Variants in TPD52L1 observed in about 807,000 individuals in gnomAD.
TPD52L1 encodes TPD52 like 1, also known as tumor protein D53.
In TPD52L1, 18 loss-of-function variants were observed where a neutral mutation model predicts 28.7. That is an observed-to-expected ratio of 0.63 (90% CI 0.43 to 0.93). The LOEUF (loss-of-function observed/expected upper bound fraction) is 0.93, where lower values mean the gene tolerates loss of function less well. TPD52L1 is among the 40% of genes least tolerant of loss of function. The probability of loss-of-function intolerance (pLI) is 0.00; values close to 1 mark genes in which losing one functional copy is unlikely to be tolerated. For missense variants in TPD52L1, 203 were observed against 254.8 expected (o/e 0.80, Z 1.39); for synonymous variants, 75 against 88.8 (o/e 0.84, Z 0.88).
chr6:125,227,797 T>C (rs1795705461), intron 2 of TPD52L1, among the ~76,000 whole-genome samples: 1 of 152,212 alleles, frequency 6.6e-6, no homozygotes, highest in African/African-American at 2.4e-5. Flanking sequence ...CTTTCCAAAA[T>C]CTGAGTACTT....
At chr6:125,253,580 T>C in intron 4 of TPD52L1, 137 bp from the exon 5 acceptor site, 1 of 777,504 alleles carries the variant, frequency 1.3e-6, no homozygotes, top group Non-Finnish European at 2.1e-6. Flanking sequence ...ACAAATGTCA[T>C]CTTGGTTAGA....
intron 5 of TPD52L1, among the ~76,000 whole-genome samples, chr6:125,255,505 G>A (rs73772403): frequency 0.016 from 2,418 of 152,246 alleles, 57 homozygotes; most frequent in African/African-American, 0.055. Flanking sequence ...GCCATGTCAG[G>A]GCCCTCTGAA....
intron 4 of TPD52L1, chr6:125,253,305 G>T (rs944868030): frequency 5.1e-6 from 1 of 195,852 alleles, no homozygotes; most frequent in East Asian, 1.3e-4. Flanking sequence ...ACCATGGAAT[G>T]ATTAGCTTCT....
In TPD52L1 at chr6:125,257,901, A is replaced by T. The variant is rs77870212; in HGVS notation, c.486+743A>T. 5.8e-3 allele frequency among the ~76,000 whole-genome samples: 885 copies of T among 152,322 alleles called. 13 individuals carry two copies. The highest frequency in any genetic ancestry group is 0.02 in the African/African-American group (828 of 41,572). On this transcript the variant is annotated intron_variant, in intron 6 of 6. Coordinates refer to ENST00000534000, the MANE Select transcript of TPD52L1 (RefSeq NM_003287.4). ...AAAGGTATCACTTAATGACTTAATT[A>T]CATCTTGCTATCATTATCTCTATTT...
At chr6:125,240,314 T>TG (rs975726394) in intron 3 of TPD52L1, among the ~76,000 whole-genome samples, 1 of 152,150 alleles carries the variant, frequency 6.6e-6, no homozygotes, top group Non-Finnish European at 1.5e-5. Context: ...TGGGCTTTTT[T>TG]GGGGGTTCCA....
At chr6:125,249,338 C>T (rs926472417) in intron 4 of TPD52L1, among the ~76,000 whole-genome samples, 5 of 151,246 alleles carry the variant, frequency 3.3e-5, no homozygotes, top group African/African-American at 7.3e-5. Context: ...AAAATCTCTG[C>T]GTATTTATTT....
chr6:125,154,054 G>C (rs1373107045), intron 1 of TPD52L1, 84 bp downstream of exon 1: 1 of 1,529,056 alleles, frequency 6.5e-7, no homozygotes, highest in Admixed American at 2.0e-5. Context: ...CTTCGCTCTC[G>C]GACAGAACAG....
Position 125,229,147 on chromosome 6 carries a change from A to G in TPD52L1, c.165A>G (p.Gln55=), listed in dbSNP as rs778472357. The G allele has an allele frequency of 1.9e-6, 3 of 1,613,448 alleles. No individual in the cohort carries two copies. In the Admixed American group the frequency reaches 5.0e-5, roughly 27 times the overall value. Residue 55 remains glutamine, a synonymous_variant, in exon 3 of 7, where the codon CAA becomes CAG. Transcript: ENST00000534000. ...AAGACGAAATTACAACACTACGACA[A>G]GTTTTGTCAGCGAAAGAAAGGCATC... ...QLEDEITTLR[Q]VLSAKERHLV...
intron 3 of TPD52L1, among the ~76,000 whole-genome samples, chr6:125,230,343 G>A (rs1795877474): frequency 6.6e-6 from 1 of 152,068 alleles, no homozygotes; most frequent in South Asian, 2.1e-4. Context: ...GGGGGTTAGG[G>A]GCTGATGAGG....
chr6:125,167,101 A>G (rs908819481), intron 1 of TPD52L1, among the ~76,000 whole-genome samples: 1 of 152,020 alleles, frequency 6.6e-6, no homozygotes, highest in African/African-American at 2.4e-5. Flanking sequence ...TACTAAAAAT[A>G]ATAATTTTTA....
At chr6:125,178,878 G>T (rs560888897) in intron 1 of TPD52L1, among the ~76,000 whole-genome samples, 1 of 152,246 alleles carries the variant, frequency 6.6e-6, no homozygotes, top group African/African-American at 2.4e-5. Flanking sequence ...TGGAGATTTG[G>T]CTTGTTATGT....
chr6:125,262,708 C>A (rs1320190201), intron 6 of TPD52L1, 126 bp from the exon 7 acceptor site: 10 of 1,288,798 alleles, frequency 7.8e-6, no homozygotes, highest in Non-Finnish European at 8.4e-6. Flanking sequence ...TCTGTGCATT[C>A]TTTTGTCTCT....
chr6:125,230,869 C>T (rs1253532894), intron 3 of TPD52L1, among the ~76,000 whole-genome samples: 1 of 152,140 alleles, frequency 6.6e-6, no homozygotes, highest in African/African-American at 2.4e-5. Flanking sequence ...CAGAAGTTAA[C>T]CAACATTCCC....
At chr6:125,231,294 G>A (rs1168111223) in intron 3 of TPD52L1, 1 of 152,300 alleles carries the variant, frequency 6.6e-6, no homozygotes, top group Non-Finnish European at 1.5e-5. Flanking sequence ...CTGAAGGAGA[G>A]AGGTGCCTGG....
intron 3 of TPD52L1, among the ~76,000 whole-genome samples, chr6:125,244,499 G>C (rs559753748): frequency 6.6e-6 from 1 of 152,136 alleles, no homozygotes; most frequent in Non-Finnish European, 1.5e-5. Flanking sequence ...CCTTATTCCT[G>C]TCCCAGTGTT....
intron 1 of TPD52L1, among the ~76,000 whole-genome samples, chr6:125,161,901 C>T (rs1474849582): frequency 1.3e-5 from 2 of 152,088 alleles, no homozygotes; most frequent in South Asian, 4.1e-4. Flanking sequence ...CTTGCACAAC[C>T]TGGGGTTGCC....
chr6:125,192,738 G>A (rs144664156), intron 1 of TPD52L1, among the ~76,000 whole-genome samples: 19 of 152,286 alleles, frequency 1.2e-4, no homozygotes, highest in African/African-American at 4.3e-4. Flanking sequence ...GCATACGGTC[G>A]GCTTTGGTGG....
Position 125,263,073 on chromosome 6 carries a change from G to T in TPD52L1, c.*111G>T. 7.5e-7 allele frequency: 1 copy of T among 1,340,824 alleles called. No homozygotes were observed. Among genetic ancestry groups the T allele is most frequent in the African/African-American group, 1.5e-5 (1 of 67,804 alleles). 83.1% of individuals were successfully genotyped at this position (1,340,824 alleles called of 1,614,324 possible). A position where few individuals can be genotyped will look rare whatever the true frequency, so the allele number is the denominator to read the frequency against. On this transcript the variant is annotated 3_prime_UTR_variant, in exon 7 of 7. Transcript: ENST00000534000. ...TCCCGCTGGGAAAAACCCAGGCCTT[G>T]ACATTGTTATTCAAATGGCCCCTCC...
intron 5 of TPD52L1, among the ~76,000 whole-genome samples, chr6:125,254,594 C>T (rs3823218): frequency 2.0e-5 from 3 of 151,740 alleles, no homozygotes; most frequent in Non-Finnish European, 4.4e-5. Flanking sequence ...CAGAGCTATG[C>T]CTCTTCTACC....
Sources: gnomAD v4.1 joint callset for allele counts (sites outside exome capture counted in the v4.1 genomes callset) on GRCh38, gnomAD v4.1.1 for gene constraint, MANE v1.5 for transcripts, NCBI Gene and HGNC (gene_info 2026-07-23, HGNC 2026-07-21) for gene names.